The following XPR1 variants were observed in gnomAD, a reference collection of about 807,000 sequenced individuals.
XPR1 encodes the protein xenotropic and polytropic retrovirus receptor 1, also known as solute carrier family 53 member 1.
Under a neutral mutation model 87.5 loss-of-function variants are expected in XPR1, and 28 were observed. The ratio of observed to expected loss-of-function variants is 0.32; its 90% CI spans 0.24 to 0.44. The LOEUF (loss-of-function observed/expected upper bound fraction) is 0.44. XPR1 is among the 20% of genes least tolerant of loss of function. XPR1 has a pLI of 1.00. For synonymous variants in XPR1, 300 were observed against 306.1 expected (o/e 0.98, Z 0.21); for missense variants, 559 against 862.3 (o/e 0.65, Z 4.41).
chr1:180,656,548 TATTTATATGTATAA>T (rs1250326726), intron 1 of XPR1, among the ~76,000 whole-genome samples: 3 of 89,166 alleles, frequency 3.4e-5, no homozygotes, highest in Non-Finnish European at 6.4e-5. Flanking sequence ...AATATTTATA[TATTTATATGTATAA>T]TATATATTTT....
At chr1:180,707,412 C>T (rs895680110) in intron 2 of XPR1, among the ~76,000 whole-genome samples, 2 of 152,118 alleles carry the variant, frequency 1.3e-5, no homozygotes, top group Non-Finnish European at 2.9e-5. Flanking sequence ...ATTTAGCTTC[C>T]ACTTATAAGT....
At chr1:180,836,922 C>A (rs1452373312) in intron 11 of XPR1, among the ~76,000 whole-genome samples, 2 of 152,138 alleles carry the variant, frequency 1.3e-5, no homozygotes, top group Non-Finnish European at 2.9e-5. Context: ...AAAAGAAGCA[C>A]AGTCACCCAG....
chr1:180,670,224 C>T (rs1656121740), intron 1 of XPR1, among the ~76,000 whole-genome samples: 1 of 152,104 alleles, frequency 6.6e-6, no homozygotes, highest in Non-Finnish European at 1.5e-5. Context: ...AATTCATTTA[C>T]ATCTAAAGTA....
At chr1:180,685,115 T>G (rs1358849967) in intron 2 of XPR1, among the ~76,000 whole-genome samples, 3 of 152,126 alleles carry the variant, frequency 2.0e-5, no homozygotes, top group Non-Finnish European at 2.9e-5. Flanking sequence ...TGATATTGGC[T>G]GTGGGTTTGT....
At chr1:180,726,878 CT>C (rs57684804) in intron 2 of XPR1, among the ~76,000 whole-genome samples, 6,482 of 142,596 alleles carry the variant, frequency 0.045, 435 homozygotes, top group African/African-American at 0.15. Context: ...TGTTTTCTTT[CT>C]TTTTTTTTTT....
chr1:180,632,288 G>T lies in XPR1; in HGVS notation c.69+18G>T, dbSNP rs374314804. 1 of 1,608,214 alleles carries T rather than the reference G, an allele frequency of 6.2e-7. No individual in the cohort carries two copies. Among genetic ancestry groups the T allele is most frequent in the African/African-American group, 1.3e-5 (1 of 74,790 alleles). ...AGTATGAGGTACCGGCACGGCTGGGGTGTGGGAGGACTCGGAGGGGCCACC... is the reference window on the plus strand; with the variant it reads ...AGTATGAGGTACCGGCACGGCTGGGTTGTGGGAGGACTCGGAGGGGCCACC... On this transcript the variant is annotated intron_variant, in intron 1 of 14. Coordinates refer to ENST00000367590, the MANE Select transcript of XPR1 (RefSeq NM_004736.4).
chr1:180,766,716 A>C (rs1031476673), intron 2 of XPR1, among the ~76,000 whole-genome samples: 2 of 152,178 alleles, frequency 1.3e-5, no homozygotes, highest in African/African-American at 4.8e-5. Context: ...GATTTCAGGG[A>C]GAAAAAGTAC....
intron 3 of XPR1, among the ~76,000 whole-genome samples, chr1:180,799,696 T>C (rs1435991813): frequency 6.6e-6 from 1 of 152,138 alleles, no homozygotes; most frequent in Non-Finnish European, 1.5e-5. Flanking sequence ...TCCAACACAA[T>C]CAACCTGCCA....
chr1:180,837,940 G>T (rs891759653), intron 11 of XPR1, among the ~76,000 whole-genome samples: 1 of 152,104 alleles, frequency 6.6e-6, no homozygotes, highest in Non-Finnish European at 1.5e-5. Context: ...GTAAAAATGA[G>T]TACTGTTTTT....
chr1:180,706,482 G>A (rs1194635637), intron 2 of XPR1, among the ~76,000 whole-genome samples: 1 of 152,212 alleles, frequency 6.6e-6, no homozygotes, highest in Non-Finnish European at 1.5e-5. Context: ...TCAATTAGCT[G>A]TATGACCCAG....
At chr1:180,739,789 G>A (rs1658858685) in intron 2 of XPR1, among the ~76,000 whole-genome samples, 1 of 152,046 alleles carries the variant, frequency 6.6e-6, no homozygotes, top group Non-Finnish European at 1.5e-5. Context: ...TTCCCAGGCT[G>A]GAGTTCAGTA....
chr1:180,880,011 G>A (rs1652797697), intron 13 of XPR1, 65 bp from the exon 14 acceptor site: 9 of 1,546,406 alleles, frequency 5.8e-6, no homozygotes, highest in Non-Finnish European at 7.1e-6. Context: ...TACACTGGGA[G>A]GTTTACAGGT....
At chr1:180,808,360 A>C (rs916253875) in intron 6 of XPR1, among the ~76,000 whole-genome samples, 3 of 152,104 alleles carry the variant, frequency 2.0e-5, no homozygotes, top group Non-Finnish European at 2.9e-5. Context: ...GATCTAAATG[A>C]AAACTGGAAA....
chr1:180,652,578 G>A (rs1414441230), intron 1 of XPR1, among the ~76,000 whole-genome samples: 1 of 152,024 alleles, frequency 6.6e-6, no homozygotes. Flanking sequence ...TTTGACATAT[G>A]GGAATGTTAT....
intron 2 of XPR1, among the ~76,000 whole-genome samples, chr1:180,782,715 G>T (rs1221013418): frequency 1.3e-5 from 2 of 151,806 alleles, no homozygotes; most frequent in East Asian, 3.9e-4. Flanking sequence ...GTGGGGTTAG[G>T]GCTCCCACAT....
intron 7 of XPR1, among the ~76,000 whole-genome samples, chr1:180,813,047 C>G (rs544840745): frequency 3.4e-5 from 5 of 145,876 alleles, no homozygotes; most frequent in African/African-American, 1.2e-4. Flanking sequence ...TTTTCCCCCC[C>G]CCCAATGGAA....
At chr1:180,779,434 T>G (rs1180402461) in intron 2 of XPR1, among the ~76,000 whole-genome samples, 1 of 152,172 alleles carries the variant, frequency 6.6e-6, no homozygotes, top group Non-Finnish European at 1.5e-5. Flanking sequence ...TTAATATAAT[T>G]CACATATAAA....
intron 2 of XPR1, among the ~76,000 whole-genome samples, chr1:180,779,519 C>G (rs2102076705): frequency 6.6e-6 from 1 of 152,210 alleles, no homozygotes; most frequent in South Asian, 2.1e-4. Flanking sequence ...TTTTGGGAGG[C>G]TGAGGCAGGT....
At chr1:180,833,391 TAA>T (rs1238099097) in intron 9 of XPR1, among the ~76,000 whole-genome samples, 2 of 152,018 alleles carry the variant, frequency 1.3e-5, no homozygotes, top group South Asian at 2.1e-4. Flanking sequence ...GCAAATTGGA[TAA>T]AGAGTCAAGA....
Sources: gnomAD v4.1 joint callset for allele counts (sites outside exome capture counted in the v4.1 genomes callset) on GRCh38, gnomAD v4.1.1 for gene constraint, MANE v1.5 for transcripts, NCBI Gene and HGNC (gene_info 2026-07-23, HGNC 2026-07-21) for gene names.